The following SLC4A4 variants were observed in gnomAD, a reference collection of about 807,000 sequenced individuals.
SLC4A4 encodes the protein electrogenic sodium bicarbonate cotransporter 1.
In SLC4A4, 27 loss-of-function variants were observed where a neutral mutation model predicts 111.5. That is an observed-to-expected ratio of 0.24 (90% confidence interval 0.18 to 0.33). SLC4A4 has a LOEUF of 0.33. Ranked by LOEUF, SLC4A4 falls within the 10% of genes least tolerant of loss-of-function variation. The pLI, the probability that SLC4A4 is intolerant of heterozygous loss-of-function variation, is 1.00. For synonymous variants in SLC4A4, 443 were observed against 463.4 expected, an observed-to-expected ratio of 0.96 and a Z score of 0.57; for missense variants, 909 against 1,315.5, an observed-to-expected ratio of 0.69 and a Z score of 4.78.
chr4:71,532,192 C>G lies in SLC4A4; in HGVS notation c.2280+17C>G. On this transcript the variant is annotated intron_variant, in intron 17 of 25. Transcript: ENST00000264485. ...GAGTTCAAGGTAGGTGAATGTCTAT[C>G]TTTTGGTCATTCCTGGAACTCTTTT... 1 of 1,355,916 alleles carries G rather than the reference C, an allele frequency of 7.4e-7. No individual in the cohort carries two copies. The highest frequency in any genetic ancestry group is 1.1e-6 in the Non-Finnish European group (1 of 944,706). The allele number at this position is 1,355,916 out of a possible 1,614,324, so 84.0% of individuals were successfully genotyped here. A position where few individuals can be genotyped will look rare whatever the true frequency, so the allele number is the denominator to read the frequency against.
chr4:71,352,743 T>C (rs2098821361), intron 5 of SLC4A4, among the ~76,000 whole-genome samples: 1 of 152,190 alleles, frequency 6.6e-6, no homozygotes, highest in African/African-American at 2.4e-5. Context: ...CCAGTATGAA[T>C]AGTTTATCCA....
intron 7 of SLC4A4, among the ~76,000 whole-genome samples, chr4:71,416,946 G>A (rs1721878277): frequency 6.6e-6 from 1 of 152,124 alleles, no homozygotes; most frequent in Middle Eastern, 3.2e-3. Flanking sequence ...GAATGGTAGG[G>A]ACCTGTGGTC....
chr4:71,529,419 A>G (rs1313708792), intron 16 of SLC4A4, among the ~76,000 whole-genome samples: 1 of 151,972 alleles, frequency 6.6e-6, no homozygotes, highest in Non-Finnish European at 1.5e-5. Flanking sequence ...CTTTGTTGGT[A>G]CTTGGAATCA....
intron 6 of SLC4A4, among the ~76,000 whole-genome samples, chr4:71,372,683 C>T (rs1472048342): frequency 2.6e-5 from 4 of 152,198 alleles, no homozygotes; most frequent in African/African-American, 9.6e-5. Context: ...ATGCACATTC[C>T]TGGCATCTGC....
chr4:71,234,220 A>C (rs1719642826), intron 1 of SLC4A4, among the ~76,000 whole-genome samples: 1 of 152,228 alleles, frequency 6.6e-6, no homozygotes, highest in Non-Finnish European at 1.5e-5. Context: ...GCTTAATGCT[A>C]TCTGAGATTA....
At chr4:71,236,064 T>C (rs1719777583) in intron 1 of SLC4A4, 2 of 996,712 alleles carry the variant, frequency 2.0e-6, no homozygotes, top group Non-Finnish European at 2.4e-6. Flanking sequence ...GCTCCCACTG[T>C]GCACTAGCCT....
At chr4:71,170,901 T>C (rs1744915769) in intron 2 of SLC4A4, among the ~76,000 whole-genome samples, 1 of 152,090 alleles carries the variant, frequency 6.6e-6, no homozygotes, top group Non-Finnish European at 1.5e-5. Context: ...GAGATGAAAA[T>C]TGAGGAAATA....
At chr4:71,287,705 A>C (rs1228812519) in intron 3 of SLC4A4, among the ~76,000 whole-genome samples, 1 of 152,184 alleles carries the variant, frequency 6.6e-6, no homozygotes, top group Non-Finnish European at 1.5e-5. Flanking sequence ...TTCTTTATGC[A>C]ATTTCAAAAT....
At position 71,569,144 on chromosome 4, in the gene SLC4A4, T is replaced by C. The variant is rs1357524941; in HGVS notation, c.*1393T>C. On this transcript the variant is annotated 3_prime_UTR_variant, in exon 26 of 26. Coordinates refer to ENST00000264485, the MANE Select transcript of SLC4A4 (RefSeq NM_001098484.3). ...AAAGTCATTGAATCTCTTATGCCAG[T>C]TTTCATAAAACCCAAACCACATATG... 6.6e-6 allele frequency: 1 copy of C among 151,594 alleles called. No homozygotes were observed. Among genetic ancestry groups the C allele is most frequent in the Non-Finnish European group, 1.5e-5 (1 of 67,744 alleles). The allele number at this position is 151,594 out of a possible 1,614,324, so 9.4% of individuals were successfully genotyped here.
chr4:71,328,433 C>A (rs1465397182), intron 3 of SLC4A4, among the ~76,000 whole-genome samples: 1 of 151,926 alleles, frequency 6.6e-6, no homozygotes, highest in Non-Finnish European at 1.5e-5. Context: ...GCTATACATT[C>A]CCACCAACAG....
intron 2 of SLC4A4, among the ~76,000 whole-genome samples, chr4:71,126,894 T>G (rs1743576481): frequency 6.6e-6 from 1 of 152,226 alleles, no homozygotes; most frequent in Admixed American, 6.5e-5. Flanking sequence ...GAGATGACCT[T>G]TGGTTCTGCA....
chr4:71,303,847 G>T (rs1169404601), intron 3 of SLC4A4, among the ~76,000 whole-genome samples: 3 of 147,128 alleles, frequency 2.0e-5, no homozygotes, highest in African/African-American at 7.5e-5. Context: ...TTAAGTACTT[G>T]CAATAAAAAC....
chr4:71,291,250 A>C (rs925506289), intron 3 of SLC4A4, among the ~76,000 whole-genome samples: 4 of 152,228 alleles, frequency 2.6e-5, no homozygotes, highest in Non-Finnish European at 5.9e-5. Context: ...TAATGGGTGC[A>C]GCACACCAGC....
chr4:71,319,085 C>T (rs900854828), intron 3 of SLC4A4, among the ~76,000 whole-genome samples: 1 of 151,898 alleles, frequency 6.6e-6, no homozygotes, highest in Non-Finnish European at 1.5e-5. Context: ...CAGATTACTA[C>T]TTAAAGAGGA....
intron 3 of SLC4A4, among the ~76,000 whole-genome samples, chr4:71,277,787 G>A (rs1409764218): frequency 1.3e-5 from 2 of 151,962 alleles, no homozygotes; most frequent in Non-Finnish European, 2.9e-5. Flanking sequence ...CCAGCCTGTA[G>A]CTTGTCTTTT....
rs748806387 is a variant in SLC4A4 at position 71,497,465 on chromosome 4, G to A, written c.1975-36G>A. The A allele has an allele frequency of 3.1e-5, 49 of 1,562,260 alleles. No homozygotes were observed. In the South Asian group the frequency reaches 4.4e-4, roughly 14 times the overall value. On this transcript the variant is annotated intron_variant, in intron 15 of 25. Coordinates refer to ENST00000264485, the MANE Select transcript of SLC4A4 (RefSeq NM_001098484.3). ...CAAAGGCTGCTTTTTATATGTCAAT[G>A]TTCTCTAGAAAAATTTTAATGTTTT...
chr4:71,542,384 C>T (rs934154973), intron 18 of SLC4A4, among the ~76,000 whole-genome samples: 1 of 152,066 alleles, frequency 6.6e-6, no homozygotes, highest in African/African-American at 2.4e-5. Flanking sequence ...ATAGTCCCAA[C>T]AGAGCCATCC....
At chr4:71,486,598 T>C (rs1038386370) in intron 14 of SLC4A4, among the ~76,000 whole-genome samples, 1 of 151,492 alleles carries the variant, frequency 6.6e-6, no homozygotes, top group Non-Finnish European at 1.5e-5. Flanking sequence ...GTCAACTTAA[T>C]CAATTATGAA....
chr4:71,126,502 G>A (rs1269328850), intron 2 of SLC4A4, among the ~76,000 whole-genome samples: 2 of 152,094 alleles, frequency 1.3e-5, no homozygotes, highest in South Asian at 2.1e-4. Flanking sequence ...CCTAAGATGT[G>A]TTCTTTTAAG....
Sources: gnomAD v4.1 joint callset for allele counts (sites outside exome capture counted in the v4.1 genomes callset) on GRCh38, gnomAD v4.1.1 for gene constraint, MANE v1.5 for transcripts, NCBI Gene and HGNC (gene_info 2026-07-23, HGNC 2026-07-21) for gene names.